The following ALDH16A1 variants were observed in gnomAD, a reference collection of about 807,000 sequenced individuals.
ALDH16A1 encodes aldehyde dehydrogenase family 16 member A1.
ALDH16A1 carries 88 observed loss-of-function variants against 96.1 expected under a neutral mutation model. The ratio of observed to expected loss-of-function variants is 0.92; its 90% CI spans 0.77 to 1.09. The LOEUF (loss-of-function observed/expected upper bound fraction) is 1.09. Among genes scored for constraint, ALDH16A1 ranks in the 50% least tolerant of loss-of-function variants. The pLI, the probability that ALDH16A1 is intolerant of heterozygous loss-of-function variation, is 0.00. For synonymous variants in ALDH16A1, 522 were observed against 496.4 expected (o/e 1.05, Z -0.69); for missense variants, 1,250 against 1,112.6 (o/e 1.12, Z -1.76).
intron 7 of ALDH16A1, 117 bp from the exon 8 acceptor site, chr19:49,462,453 C>CT (rs1321290887): frequency 1.6e-6 from 2 of 1,283,820 alleles, no homozygotes; most frequent in East Asian, 2.4e-5. Flanking sequence ...CTTTAGGACT[C>CT]TGTTGATTTA....
Position 49,464,760 on chromosome 19 carries a change from C to T in ALDH16A1, c.1566C>T (p.Pro522=). Residue 522 remains proline (P), a splice_region_variant and synonymous_variant, in exon 12 of 17, where the codon CCC becomes CCT. Transcript: ENST00000293350. ...STLPAGPEIG[P]SPAPPYGLFV... Reference sequence around the variant, plus strand: ...TGCCGGCTGGGCCTGAAATAGGGCCCAGGTGAGTCGTTGGGGGCCAGTGGT... The same window carrying T: ...TGCCGGCTGGGCCTGAAATAGGGCCTAGGTGAGTCGTTGGGGGCCAGTGGT... 6.2e-7 allele frequency: 1 copy of T among 1,614,016 alleles called. No homozygotes were observed. The highest frequency in any genetic ancestry group is 8.5e-7 in the Non-Finnish European group (1 of 1,180,014).
At position 49,462,690 on chromosome 19, in the gene ALDH16A1, C is replaced by CG; in HGVS notation, c.1039dup (p.Ala347GlyfsTer5). ...GGATGGGGCCGTGGACATGGGGGCC[C>CG]GGGGGGCTGCCGCATGTGACCTGGT... is the stretch of plus-strand genomic sequence containing the variant. On this transcript the variant is annotated frameshift_variant, in exon 8 of 17. Transcript: ENST00000293350. LOFTEE classifies it high-confidence loss of function. 1.9e-6 allele frequency: 3 copies of CG among 1,607,662 alleles called. No homozygotes were observed. Among genetic ancestry groups the CG allele is most frequent in the Admixed American group, 1.7e-5 (1 of 58,806 alleles).
At chr19:49,461,859 C>A in intron 6 of ALDH16A1, 25 bp from the exon 7 acceptor site, 2 of 1,594,558 alleles carry the variant, frequency 1.3e-6, no homozygotes, top group Non-Finnish European at 8.5e-7. Context: ...GCTCCTCCTG[C>A]GGCTGAACTG....
At position 49,468,874 on chromosome 19, in the gene ALDH16A1, C is replaced by T. The variant is rs865958958; in HGVS notation, c.2135C>T (p.Thr712Ile). Residue 712 changes from threonine (T) to isoleucine (I), a missense_variant, in exon 16 of 17, where the codon ACC becomes ATC. Physicochemically the swap from Thr to Ile is moderately conservative, Grantham distance 89. Transcript: ENST00000293350. This position sits in a 1 kb window ranked among gnomAD's most constrained non-coding sequence, Gnocchi z 4.4. ...LALEVCQDMA[T>I]VFPAGLANVV... The stretch of plus-strand genomic sequence containing the variant: ...CTCTCTATCCCCTAGGACATGGCCA[C>T]CGTGTTCCCAGCAGGCCTGGCCAAC... The T allele has an allele frequency of 1.2e-6, 2 of 1,613,598 alleles. No individual in the cohort carries two copies. The highest frequency in any genetic ancestry group is 1.3e-5 in the African/African-American group (1 of 74,912).
At chr19:49,454,171 C>T (rs2079091824) in intron 1 of ALDH16A1, among the ~76,000 whole-genome samples, 1 of 151,830 alleles carries the variant, frequency 6.6e-6, no homozygotes, top group African/African-American at 2.4e-5. Flanking sequence ...CAGAGACGCG[C>T]GCCACCACTC....
intron 1 of ALDH16A1, among the ~76,000 whole-genome samples, chr19:49,454,302 C>G (rs1370268756): frequency 6.6e-6 from 1 of 152,112 alleles, no homozygotes; most frequent in African/African-American, 2.4e-5. Context: ...GGATTACAGG[C>G]GTGAGCTACT....
intron 1 of ALDH16A1, among the ~76,000 whole-genome samples, chr19:49,455,372 C>T (rs1178916971): frequency 6.6e-5 from 10 of 150,458 alleles, no homozygotes; most frequent in Non-Finnish European, 1.3e-4. Context: ...GCCGAGACCA[C>T]GCCACTGCAC....
chr19:49,459,827 C>T lies in ALDH16A1; in HGVS notation c.478C>T (p.Leu160=). The T allele has an allele frequency of 6.2e-7, 1 of 1,613,372 alleles. No individual in the cohort carries two copies. Among genetic ancestry groups the T allele is most frequent in the African/African-American group, 1.3e-5 (1 of 75,012 alleles). Residue 160 remains leucine, a synonymous_variant, in exon 4 of 17, where the codon CTG becomes TTG. Transcript: ENST00000293350. The surrounding 1 kb of genome is among the most constrained non-coding windows in gnomAD (Gnocchi z 4.1). ...AIQASTQEEA[L]AGWEPMGVIG... Reference sequence around the variant, plus strand: ...CCAGGCATCCACCCAGGAGGAGGCACTGGCAGGCTGGGAGCCCATGGGTGA... The same window carrying T: ...CCAGGCATCCACCCAGGAGGAGGCATTGGCAGGCTGGGAGCCCATGGGTGA...
At chr19:49,465,440 C>T (rs549160948) in intron 12 of ALDH16A1, among the ~76,000 whole-genome samples, 10 of 149,540 alleles carry the variant, frequency 6.7e-5, no homozygotes, top group African/African-American at 2.5e-4. Flanking sequence ...CCCCCAGAGG[C>T]TCATGGGAGC....
At chr19:49,458,849 T>C in intron 2 of ALDH16A1, 111 bp from the exon 3 acceptor site, 1 of 1,439,078 alleles carries the variant, frequency 6.9e-7, no homozygotes, top group Non-Finnish European at 9.5e-7. Flanking sequence ...CAGCAGAGAA[T>C]GGGGACCAGC....
At chr19:49,463,828 G>A (rs374454593) in intron 8 of ALDH16A1, 26 bp from the exon 9 acceptor site, 54 of 1,602,730 alleles carry the variant, frequency 3.4e-5, no homozygotes, top group Middle Eastern at 1.7e-4. Context: ...ACCAGAAGTC[G>A]ACTTCTAGAT....
At chr19:49,457,315 A>G (rs1254620794) in intron 1 of ALDH16A1, among the ~76,000 whole-genome samples, 1 of 151,938 alleles carries the variant, frequency 6.6e-6, no homozygotes, top group Non-Finnish European at 1.5e-5. Context: ...TGGGAGGCCG[A>G]GGCGGGCGGA....
At chr19:49,463,637 G>A (rs1461430513) in intron 8 of ALDH16A1, among the ~76,000 whole-genome samples, 3 of 98,572 alleles carry the variant, frequency 3.0e-5, no homozygotes, top group Non-Finnish European at 6.0e-5. Context: ...GGAGGGGCTG[G>A]GGGTCCAGAC....
intron 8 of ALDH16A1, 87 bp from the exon 9 acceptor site, chr19:49,463,767 C>T (rs2079173717): frequency 2.4e-6 from 3 of 1,261,110 alleles, no homozygotes; most frequent in Non-Finnish European, 3.4e-6. Context: ...ACTCCTGGGT[C>T]TGAGGGAGGA....
rs1336403704 is a variant in ALDH16A1 at position 49,468,288 on chromosome 19, A to C, written c.1939-93A>C. On this transcript the variant is annotated intron_variant, in intron 14 of 16. Coordinates refer to ENST00000293350, the MANE Select transcript of ALDH16A1 (RefSeq NM_153329.4). This position sits in a 1 kb window ranked among gnomAD's most constrained non-coding sequence, Gnocchi z 4.4. ...CCACAATGGTGCGGTTTGGGCCAAC[A>C]CCAAGTGTTGGGGAGAATGTAGAGG... 2 of 1,371,578 alleles carry C rather than the reference A, an allele frequency of 1.5e-6. No individual in the cohort carries two copies. The highest frequency in any genetic ancestry group is 2.0e-6 in the Non-Finnish European group (2 of 1,007,786). 85.0% of individuals were successfully genotyped at this position (1,371,578 alleles called of 1,614,324 possible).
chr19:49,462,415 G>A (rs1057181841), intron 7 of ALDH16A1, among the ~76,000 whole-genome samples, 155 bp from the exon 8 acceptor site: 18 of 152,222 alleles, frequency 1.2e-4, no homozygotes, highest in Non-Finnish European at 2.6e-4. Context: ...GACTGCAGGT[G>A]TGAGCCACCG....
Position 49,459,722 on chromosome 19 carries a change from C to T in ALDH16A1, c.373C>T (p.Leu125=), listed in dbSNP as rs763098843. The part of the protein sequence containing the change: ...HQRLLWTLES[L]VTGRAVREVR... ...GCGGCTGCTGTGGACCCTGGAATCCCTGGTGACTGGGCGGGCTGTTCGAGA... is the reference window on the plus strand; with the variant it reads ...GCGGCTGCTGTGGACCCTGGAATCCTTGGTGACTGGGCGGGCTGTTCGAGA... Residue 125 remains leucine, a synonymous_variant, in exon 4 of 17, where the codon CTG becomes TTG. Coordinates refer to ENST00000293350, the MANE Select transcript of ALDH16A1 (RefSeq NM_153329.4). This position sits in a 1 kb window ranked among gnomAD's most constrained non-coding sequence, Gnocchi z 4.1. The T allele has an allele frequency of 6.2e-7, 1 of 1,613,488 alleles. No homozygotes were observed. Among genetic ancestry groups the T allele is most frequent in the Admixed American group, 1.7e-5 (1 of 59,918 alleles).
At position 49,468,903 on chromosome 19, in the gene ALDH16A1, G is replaced by A. The variant is rs536199625; in HGVS notation, c.2164G>A (p.Val722Met). ...TVFPAGLANV[V>M]TGDRDHLTRC... Reference sequence around the variant, plus strand: ...GTTCCCAGCAGGCCTGGCCAACGTGGTGACAGGAGACCGGGACCATCTGAC... The same window carrying A: ...GTTCCCAGCAGGCCTGGCCAACGTGATGACAGGAGACCGGGACCATCTGAC... The change falls in exon 16 of 17, where the codon GTG (valine) becomes ATG (methionine). Residue 722 changes from valine to methionine, a missense_variant. Physicochemically the swap from Val to Met is conservative, Grantham distance 21. Coordinates refer to ENST00000293350, the MANE Select transcript of ALDH16A1 (RefSeq NM_153329.4). This position sits in a 1 kb window ranked among gnomAD's most constrained non-coding sequence, Gnocchi z 4.4. 51 of 1,614,032 alleles carry A rather than the reference G, an allele frequency of 3.2e-5. No individual in the cohort carries two copies. The East Asian group carries it at 9.6e-4, about 30-fold the overall frequency.
At position 49,468,790 on chromosome 19, in the gene ALDH16A1, G is replaced by T; in HGVS notation, c.2125-74G>T. ...GACCCCCCATCCCCTTCCCTCCCATGGGCACCCCCTGAATGCCCACTCCTT... is the reference window on the plus strand; with the variant it reads ...GACCCCCCATCCCCTTCCCTCCCATTGGCACCCCCTGAATGCCCACTCCTT... On this transcript the variant is annotated intron_variant, in intron 15 of 16. Transcript: ENST00000293350. This position sits in a 1 kb window ranked among gnomAD's most constrained non-coding sequence, Gnocchi z 4.4. 6.5e-7 allele frequency: 1 copy of T among 1,530,486 alleles called. No homozygotes were observed. The highest frequency in any genetic ancestry group is 8.9e-7 in the Non-Finnish European group (1 of 1,124,614). 94.8% of individuals were successfully genotyped at this position (1,530,486 alleles called of 1,614,324 possible).
Sources: gnomAD v4.1 joint callset for allele counts (sites outside exome capture counted in the v4.1 genomes callset) on GRCh38, gnomAD v4.1.1 for gene constraint, Gnocchi (gnomAD v3.1) non-coding constraint, MANE v1.5 for transcripts, NCBI Gene and HGNC (gene_info 2026-07-23, HGNC 2026-07-21) for gene names.